SHOC1: variants seen among roughly 807,000 people sequenced by gnomAD.
The protein encoded by SHOC1 is shortage in chiasmata 1.
In SHOC1, 136 loss-of-function variants were observed where a neutral mutation model predicts 179.2. The observed-to-expected ratio is 0.76, with a 90% CI of 0.66 to 0.87. The LOEUF (loss-of-function observed/expected upper bound fraction) is 0.87. Ranked by LOEUF, SHOC1 falls within the 40% of genes least tolerant of loss-of-function variation. The pLI is 0.00. For missense variants in SHOC1, 1,538 were observed against 1,700.8 expected, an observed-to-expected ratio of 0.90 and a Z score of 1.68; for synonymous variants, 489 against 586.6, an observed-to-expected ratio of 0.83 and a Z score of 2.41.
intron 10 of SHOC1, among the ~76,000 whole-genome samples, chr9:111,745,878 A>C (rs1342289942): frequency 6.6e-6 from 1 of 152,244 alleles, no homozygotes; most frequent in African/African-American, 2.4e-5. Flanking sequence ...CAGGATCTTC[A>C]AAATTTTTTA....
chr9:111,758,506 A>G (rs1220191450), intron 6 of SHOC1, among the ~76,000 whole-genome samples, 189 bp downstream of exon 6: 1 of 152,156 alleles, frequency 6.6e-6, no homozygotes, highest in Non-Finnish European at 1.5e-5. Flanking sequence ...GGAGAATCGC[A>G]TGTGCCCAGG....
chr9:111,747,828 G>A (rs895655878), intron 9 of SHOC1, among the ~76,000 whole-genome samples: 1 of 151,952 alleles, frequency 6.6e-6, no homozygotes, highest in Non-Finnish European at 1.5e-5. Flanking sequence ...TAAGTGATCC[G>A]CCCACCTCAG....
chr9:111,769,995 T>TTTTTTTTTTTTTTC (rs1835530465), intron 5 of SHOC1, among the ~76,000 whole-genome samples: 1 of 147,170 alleles, frequency 6.8e-6, no homozygotes, highest in Non-Finnish European at 1.5e-5. Context: ...TGTTTTTTTT[T>TTTTTTTTTTTTTTC]TTTTTTTTTT....
chr9:111,756,534 C>T (rs552445740), intron 7 of SHOC1, 56 bp from the exon 8 acceptor site: 32 of 1,504,790 alleles, frequency 2.1e-5, no homozygotes, highest in South Asian at 1.9e-4. Context: ...TAAATATTTT[C>T]GAAATCATAA....
At chr9:111,690,323 G>A (rs1240525611) in intron 27 of SHOC1, among the ~76,000 whole-genome samples, 1 of 152,174 alleles carries the variant, frequency 6.6e-6, no homozygotes, top group Non-Finnish European at 1.5e-5. Flanking sequence ...CTACTTGGGA[G>A]GCTAAGATGG....
At chr9:111,696,132 A>G (rs1326811601) in intron 24 of SHOC1, among the ~76,000 whole-genome samples, 1 of 152,162 alleles carries the variant, frequency 6.6e-6, no homozygotes, top group Admixed American at 6.6e-5. Flanking sequence ...GTATTTATGC[A>G]TTTTCCTGCA....
At chr9:111,718,502 T>C (rs1355351757) in intron 15 of SHOC1, among the ~76,000 whole-genome samples, 1 of 152,158 alleles carries the variant, frequency 6.6e-6, no homozygotes, top group Non-Finnish European at 1.5e-5. Context: ...GGAAATAGTA[T>C]TAATGAAGTT....
chr9:111,780,115 T>C (rs1444900222), intron 4 of SHOC1, among the ~76,000 whole-genome samples: 1 of 152,254 alleles, frequency 6.6e-6, no homozygotes, highest in East Asian at 1.9e-4. Flanking sequence ...TGTTTATCTA[T>C]TATTTTCCTA....
intron 1 of SHOC1, among the ~76,000 whole-genome samples, chr9:111,794,221 C>T (rs1836545384): frequency 6.6e-6 from 1 of 151,488 alleles, no homozygotes; most frequent in Admixed American, 6.6e-5. Context: ...CTCTCCCCAC[C>T]AGCCTAAGGC....
At chr9:111,702,946 C>CA (rs947429681) in intron 22 of SHOC1, among the ~76,000 whole-genome samples, 3 of 151,952 alleles carry the variant, frequency 2.0e-5, no homozygotes, top group Non-Finnish European at 2.9e-5. Flanking sequence ...ACTGTCCCTA[C>CA]AAAAAATTAA....
chr9:111,722,863 G>A (rs1051034073), intron 14 of SHOC1, among the ~76,000 whole-genome samples: 6 of 152,060 alleles, frequency 3.9e-5, no homozygotes, highest in South Asian at 2.1e-4. Context: ...GTGTAGTGGC[G>A]CCATCTCGGC....
chr9:111,749,452 G>T (rs1834460201), intron 8 of SHOC1, among the ~76,000 whole-genome samples: 1 of 151,796 alleles, frequency 6.6e-6, no homozygotes, highest in African/African-American at 2.4e-5. Context: ...TATTTCCACA[G>T]AATTAATTCT....
intron 11 of SHOC1, among the ~76,000 whole-genome samples, chr9:111,739,543 T>G (rs867346532): frequency 8.2e-4 from 125 of 152,300 alleles, no homozygotes; most frequent in African/African-American, 2.7e-3. Flanking sequence ...GAATTTTATA[T>G]AAATGGAATT....
At chr9:111,725,517 G>C (rs1362942729) in intron 13 of SHOC1, among the ~76,000 whole-genome samples, 3 of 152,176 alleles carry the variant, frequency 2.0e-5, no homozygotes, top group Non-Finnish European at 4.4e-5. Flanking sequence ...CAGGGAGGGC[G>C]GGGGAGGTCA....
chr9:111,690,731 T>G (rs563431710), intron 27 of SHOC1, among the ~76,000 whole-genome samples: 1 of 152,172 alleles, frequency 6.6e-6, no homozygotes, highest in Non-Finnish European at 1.5e-5. Context: ...AAGTTGTAAG[T>G]ATTAAATAAG....
At chr9:111,757,536 TTTG>T (rs1834923477) in intron 7 of SHOC1, among the ~76,000 whole-genome samples, 1 of 152,250 alleles carries the variant, frequency 6.6e-6, no homozygotes, top group Non-Finnish European at 1.5e-5. Context: ...TTATGACCAT[TTTG>T]TGTGCTATTG....
chr9:111,687,912 T>C (rs1831251597), intron 27 of SHOC1, among the ~76,000 whole-genome samples: 1 of 152,192 alleles, frequency 6.6e-6, no homozygotes, highest in Non-Finnish European at 1.5e-5. Context: ...GTTATGTGTT[T>C]AGGAATCTAT....
At chr9:111,784,189 C>G (rs1836181032) in intron 3 of SHOC1, among the ~76,000 whole-genome samples, 1 of 152,206 alleles carries the variant, frequency 6.6e-6, no homozygotes, top group Non-Finnish European at 1.5e-5. Flanking sequence ...CAATTGCCTT[C>G]TTAATGATCC....
At chr9:111,754,964 T>C (rs1188553029) in intron 8 of SHOC1, among the ~76,000 whole-genome samples, 4 of 152,230 alleles carry the variant, frequency 2.6e-5, no homozygotes, top group African/African-American at 7.2e-5. Context: ...GAGATATCCC[T>C]GTAGCAGGCA....
Sources: allele counts gnomAD v4.1 joint callset (sites outside exome capture counted in the v4.1 genomes callset), GRCh38; gene constraint gnomAD v4.1.1; transcripts MANE v1.5; gene names NCBI Gene and HGNC (gene_info 2026-07-23, HGNC 2026-07-21).